AK8: variants seen among roughly 807,000 people sequenced by gnomAD.
AK8 encodes the protein ATP-AMP transphosphorylase 8.
AK8 carries 44 observed loss-of-function variants against 54.6 expected under a neutral mutation model. The observed-to-expected ratio is 0.81, with a 90% CI of 0.63 to 1.04. AK8 has a LOEUF of 1.04. AK8 is among the 50% of genes least tolerant of loss of function. The pLI, the probability that AK8 is intolerant of heterozygous loss-of-function variation, is 0.00. For missense variants in AK8, 555 were observed against 613.6 expected, an observed-to-expected ratio of 0.90 and a Z score of 1.01; for synonymous variants, 239 against 245.6, an observed-to-expected ratio of 0.97 and a Z score of 0.25.
At chr9:132,729,225 T>A (rs1836715210) in intron 11 of AK8, among the ~76,000 whole-genome samples, 1 of 152,184 alleles carries the variant, frequency 6.6e-6, no homozygotes, top group Non-Finnish European at 1.5e-5. Flanking sequence ...CCAGGGGTGA[T>A]TTTGTTCCCC....
intron 5 of AK8, among the ~76,000 whole-genome samples, chr9:132,849,802 C>T (rs1842896982): frequency 6.6e-6 from 1 of 152,138 alleles, no homozygotes; most frequent in South Asian, 2.1e-4. Flanking sequence ...GGCTGGAGTG[C>T]CGTGGTGCGT....
At chr9:132,786,758 G>GTA in intron 11 of AK8, among the ~76,000 whole-genome samples, 1 of 151,680 alleles carries the variant, frequency 6.6e-6, no homozygotes, top group South Asian at 2.1e-4. Flanking sequence ...AACATCTAAG[G>GTA]GTAAAAAAAG....
intron 10 of AK8, among the ~76,000 whole-genome samples, chr9:132,812,675 A>G (rs1841118982): frequency 6.6e-6 from 1 of 151,220 alleles, no homozygotes; most frequent in Non-Finnish European, 1.5e-5. Flanking sequence ...CTCTACCTCC[A>G]TCCTGCCACC....
chr9:132,804,753 C>G (rs1303765347), intron 10 of AK8, among the ~76,000 whole-genome samples: 1 of 152,192 alleles, frequency 6.6e-6, no homozygotes, highest in Non-Finnish European at 1.5e-5. Flanking sequence ...TCCGATGAGG[C>G]TGTGCCAAGT....
At chr9:132,801,126 C>T (rs1840435968) in intron 10 of AK8, among the ~76,000 whole-genome samples, 1 of 152,056 alleles carries the variant, frequency 6.6e-6, no homozygotes, top group Non-Finnish European at 1.5e-5. Flanking sequence ...TGGGGTTTCA[C>T]CATGTTGGCT....
intron 4 of AK8, among the ~76,000 whole-genome samples, chr9:132,859,383 C>T (rs1437792392): frequency 1.3e-5 from 2 of 151,972 alleles, no homozygotes; most frequent in East Asian, 1.9e-4. Flanking sequence ...ACTACAGGCG[C>T]CCCCCACCAT....
chr9:132,779,014 C>G (rs986445521), intron 11 of AK8, among the ~76,000 whole-genome samples: 2 of 151,950 alleles, frequency 1.3e-5, no homozygotes, highest in Non-Finnish European at 2.9e-5. Context: ...ATGAGAAGAA[C>G]AGGCTACCTT....
At chr9:132,768,723 A>G (rs1368857892) in intron 11 of AK8, among the ~76,000 whole-genome samples, 1 of 152,194 alleles carries the variant, frequency 6.6e-6, no homozygotes, top group Non-Finnish European at 1.5e-5. Context: ...AAAACAGGAA[A>G]CACATGTCTG....
chr9:132,726,785 A>G (rs1439468148), intron 12 of AK8, among the ~76,000 whole-genome samples: 2 of 152,120 alleles, frequency 1.3e-5, no homozygotes, highest in Admixed American at 6.5e-5. Context: ...ACAGGGTGAC[A>G]TGAAGGCCAC....
intron 11 of AK8, among the ~76,000 whole-genome samples, chr9:132,763,423 A>G (rs1254343607): frequency 2.0e-5 from 3 of 152,234 alleles, no homozygotes; most frequent in Non-Finnish European, 4.4e-5. Flanking sequence ...ATAGAAACAC[A>G]CACTCTTCAA....
intron 1 of AK8, among the ~76,000 whole-genome samples, chr9:132,876,984 T>C (rs776585239): frequency 3.9e-5 from 6 of 152,124 alleles, no homozygotes; most frequent in Non-Finnish European, 8.8e-5. Context: ...AAGGATTGCT[T>C]GAGCCCAGGA....
chr9:132,769,651 G>C (rs1254456907), intron 11 of AK8: 2 of 152,220 alleles, frequency 1.3e-5, no homozygotes, highest in Non-Finnish European at 2.9e-5. Flanking sequence ...CCAGCAAAGC[G>C]TGTGGAAGAA....
intron 11 of AK8, among the ~76,000 whole-genome samples, chr9:132,753,695 G>A (rs1238286131): frequency 6.6e-6 from 1 of 152,214 alleles, no homozygotes; most frequent in African/African-American, 2.4e-5. Flanking sequence ...CGCAGTGAGG[G>A]GATCCCCGCT....
Position 132,815,974 on chromosome 9 carries a change from T to G in AK8, c.890-1247A>C, listed in dbSNP as rs1841309498. Among the ~76,000 whole-genome samples the G allele has an allele frequency of 2.0e-5, 3 of 152,208 alleles. No homozygotes were observed. The South Asian group carries it at 6.2e-4, about 32-fold the overall frequency. ...ATTCCTCAATAATGATATGCTTAAT[T>G]CACTATGTAAATGACAGCAGTTGTC... is the stretch of plus-strand genomic sequence containing the variant. On this transcript the variant is annotated intron_variant, in intron 9 of 12. Coordinates refer to ENST00000298545, the MANE Select transcript of AK8 (RefSeq NM_152572.3).
At chr9:132,739,221 A>T (rs1334790108) in intron 11 of AK8, among the ~76,000 whole-genome samples, 1 of 151,712 alleles carries the variant, frequency 6.6e-6, no homozygotes, top group African/African-American at 2.4e-5. Context: ...AGGCCGAGGC[A>T]GGTGGATTAC....
intron 3 of AK8, among the ~76,000 whole-genome samples, chr9:132,865,681 C>T (rs1228581272): frequency 6.6e-6 from 1 of 151,934 alleles, no homozygotes; most frequent in African/African-American, 2.4e-5. Context: ...GGCATGGTGG[C>T]GTACGCCTGT....
chr9:132,814,675 G>A lies in AK8; in HGVS notation c.942C>T (p.Gly314=), dbSNP rs747162450. 9 of 1,614,090 alleles carry A rather than the reference G, an allele frequency of 5.6e-6. No homozygotes were observed. The highest frequency in any genetic ancestry group is 1.7e-4 in the Middle Eastern group (1 of 6,054). Residue 314 remains glycine (G), a synonymous_variant, in exon 10 of 13, where the codon GGC becomes GGT. Coordinates refer to ENST00000298545, the MANE Select transcript of AK8 (RefSeq NM_152572.3). ...TTTCAAAGAAGGGCTGGATGAGCTC[G>A]CCAAACGTGGTCCTATCTGCCACAG... ...KEAVADRTTF[G]ELIQPFFEKE...
At chr9:132,835,652 T>A (rs547654169) in intron 5 of AK8, among the ~76,000 whole-genome samples, 2 of 152,174 alleles carry the variant, frequency 1.3e-5, no homozygotes, top group Admixed American at 1.3e-4. Flanking sequence ...ATGTGAATAA[T>A]CAAAATCTAG....
upstream of AK8, chr9:132,878,448 C>A: frequency 8.2e-7 from 1 of 1,226,538 alleles, no homozygotes; most frequent in Non-Finnish European, 1.0e-6. The surrounding 1 kb of genome is among the most constrained non-coding windows in gnomAD (Gnocchi z 4.7). Flanking sequence ...CAAGTTCTTT[C>A]CCCAACCCCG....
Sources: gnomAD v4.1 joint callset for allele counts (sites outside exome capture counted in the v4.1 genomes callset) on GRCh38, gnomAD v4.1.1 for gene constraint, Gnocchi (gnomAD v3.1) non-coding constraint, MANE v1.5 for transcripts, NCBI Gene and HGNC (gene_info 2026-07-23, HGNC 2026-07-21) for gene names.